ALDH1A2: variants seen among roughly 807,000 people sequenced by gnomAD.
ALDH1A2 encodes the protein aldehyde dehydrogenase 1 family member A2.
In ALDH1A2, 27 loss-of-function variants were observed where a neutral mutation model predicts 60.3. The observed-to-expected ratio is 0.45, with a 90% confidence interval of 0.33 to 0.62. ALDH1A2 has a LOEUF of 0.62. ALDH1A2 is among the 20% of genes least tolerant of loss of function. The probability of loss-of-function intolerance (pLI) is 0.02; values close to 1 mark genes in which losing one functional copy is unlikely to be tolerated. For missense variants in ALDH1A2, 581 were observed against 643.8 expected (o/e 0.90, Z 1.06); for synonymous variants, 289 against 232.4 (o/e 1.24, Z -2.21).
chr15:57,962,950 C>T (rs1012934896), intron 9 of ALDH1A2, among the ~76,000 whole-genome samples: 16 of 152,100 alleles, frequency 1.1e-4, no homozygotes, highest in East Asian at 1.9e-4. Flanking sequence ...AAATATGCCT[C>T]GATGATTACG....
intron 7 of ALDH1A2, among the ~76,000 whole-genome samples, chr15:57,970,154 T>C (rs1317834529): frequency 6.6e-6 from 1 of 152,226 alleles, no homozygotes; most frequent in Non-Finnish European, 1.5e-5. Context: ...CAGAAGTAGC[T>C]TGTTACAAGT....
At chr15:57,992,416 A>G (rs1894926134) in intron 7 of ALDH1A2, among the ~76,000 whole-genome samples, 1 of 152,164 alleles carries the variant, frequency 6.6e-6, no homozygotes, top group Non-Finnish European at 1.5e-5. Flanking sequence ...CCAGCTTCTT[A>G]ACTTGCTTCT....
chr15:58,000,345 C>T (rs1895222178), intron 4 of ALDH1A2, among the ~76,000 whole-genome samples: 3 of 152,038 alleles, frequency 2.0e-5, no homozygotes, highest in South Asian at 4.1e-4. Context: ...GGGCTAACAG[C>T]ACCCCAGAAG....
intron 4 of ALDH1A2, among the ~76,000 whole-genome samples, chr15:57,998,142 A>T (rs1895129803): frequency 6.6e-6 from 1 of 152,088 alleles, no homozygotes; most frequent in Admixed American, 6.6e-5. Context: ...CTAGCACAAG[A>T]CAAGGATGCC....
chr15:58,013,753 A>C, intron 3 of ALDH1A2, 105 bp downstream of exon 3: 1 of 1,459,618 alleles, frequency 6.9e-7, no homozygotes, highest in Non-Finnish European at 9.2e-7. Flanking sequence ...CTCCGTCTCA[A>C]AAAATAAAAT....
chr15:57,971,179 CTG>C (rs1894052737), intron 7 of ALDH1A2, among the ~76,000 whole-genome samples: 1 of 152,224 alleles, frequency 6.6e-6, no homozygotes, highest in South Asian at 2.1e-4. Context: ...TGGAACATGC[CTG>C]TGTGTCTTTG....
At chr15:58,017,520 C>T (rs1895819326) in intron 1 of ALDH1A2, among the ~76,000 whole-genome samples, 1 of 152,104 alleles carries the variant, frequency 6.6e-6, no homozygotes, top group African/African-American at 2.4e-5. Flanking sequence ...CATAGCATTA[C>T]ACTGTGATAA....
intron 4 of ALDH1A2, among the ~76,000 whole-genome samples, chr15:58,000,631 A>T (rs1039320687): frequency 9.9e-5 from 15 of 152,006 alleles, no homozygotes; most frequent in Admixed American, 7.2e-4. Flanking sequence ...AATTAAAATT[A>T]AAAAAGTTTA....
At chr15:58,053,987 A>G (rs1896836982) in intron 1 of ALDH1A2, among the ~76,000 whole-genome samples, 1 of 152,168 alleles carries the variant, frequency 6.6e-6, no homozygotes, top group Non-Finnish European at 1.5e-5. Context: ...TCGCCAATTC[A>G]ATCCATTAAG....
intron 7 of ALDH1A2, among the ~76,000 whole-genome samples, chr15:57,971,719 C>G (rs968068613): frequency 1.3e-5 from 2 of 152,062 alleles, no homozygotes; most frequent in Admixed American, 6.5e-5. Context: ...CACCAGGGCC[C>G]AGACAAACTT....
intron 7 of ALDH1A2, among the ~76,000 whole-genome samples, chr15:57,981,567 G>C (rs1419797223): frequency 2.0e-5 from 3 of 152,094 alleles, no homozygotes; most frequent in African/African-American, 7.2e-5. Flanking sequence ...GAGCCTGTAA[G>C]GAGTGATTCA....
intron 4 of ALDH1A2, among the ~76,000 whole-genome samples, chr15:58,004,963 A>G (rs1353843078): frequency 6.6e-6 from 1 of 151,690 alleles, no homozygotes; most frequent in African/African-American, 2.4e-5. Flanking sequence ...TTCCAAAGCA[A>G]TATACAGATT....
At chr15:58,016,601 T>C (rs1014994640) in intron 1 of ALDH1A2, among the ~76,000 whole-genome samples, 1 of 152,226 alleles carries the variant, frequency 6.6e-6, no homozygotes, top group African/African-American at 2.4e-5. Flanking sequence ...CTATTGATCA[T>C]TTTATAAATC....
In ALDH1A2 at chr15:57,992,999, C is replaced by T. The variant is rs1182863642; in HGVS notation, c.630G>A (p.Lys210=). The change falls in exon 6 of 13, where the codon AAG becomes AAA. Residue 210 remains lysine, a synonymous_variant. Coordinates refer to ENST00000249750, the MANE Select transcript of ALDH1A2 (RefSeq NM_003888.4). Reference sequence around the variant, plus strand: ...CACTGAGTGGTGTTTGCTCTGCTGGCTTAATAACTACTGTATTGCCACAGC... The same window carrying T: ...CACTGAGTGGTGTTTGCTCTGCTGGTTTAATAACTACTGTATTGCCACAGC... ...ALCCGNTVVI[K]PAEQTPLSAL... The T allele has an allele frequency of 1.9e-6, 3 of 1,613,926 alleles. No homozygotes were observed. Among genetic ancestry groups the T allele is most frequent in the East Asian group, 4.5e-5 (2 of 44,874 alleles).
intron 7 of ALDH1A2, among the ~76,000 whole-genome samples, chr15:57,976,374 C>T (rs1256880545): frequency 6.6e-6 from 1 of 152,054 alleles, no homozygotes; most frequent in African/African-American, 2.4e-5. Context: ...TTTGCTGCAC[C>T]CATCAACCCA....
At position 58,008,776 on chromosome 15, in the gene ALDH1A2, A is replaced by G. The variant is rs551892953; in HGVS notation, c.493+1873T>C. On this transcript the variant is annotated intron_variant, in intron 4 of 12. Coordinates refer to ENST00000249750, the MANE Select transcript of ALDH1A2 (RefSeq NM_003888.4). ...ATTTACCTTTCTGTACTGATACAGG[A>G]CAGGCCCACCTAAAAAGACTGACAT... Among the ~76,000 whole-genome samples the G allele has an allele frequency of 5.8e-4, 89 of 152,234 alleles. 1 individual carries two copies. Among genetic ancestry groups the G allele is most frequent in the African/African-American group, 2.1e-3 (86 of 41,562 alleles).
chr15:58,058,933 C>A (rs1483173879), intron 1 of ALDH1A2, among the ~76,000 whole-genome samples: 1 of 152,114 alleles, frequency 6.6e-6, no homozygotes, highest in African/African-American at 2.4e-5. Flanking sequence ...TTGTTTAGAG[C>A]CCAGCAGAAG....
intron 1 of ALDH1A2, among the ~76,000 whole-genome samples, chr15:58,022,469 C>A (rs1895955202): frequency 6.6e-6 from 1 of 152,154 alleles, no homozygotes; most frequent in Admixed American, 6.5e-5. Context: ...CCATGCCATA[C>A]AAGCTGCCTA....
At chr15:57,962,390 G>C (rs772415740) in intron 9 of ALDH1A2, among the ~76,000 whole-genome samples, 1 of 152,072 alleles carries the variant, frequency 6.6e-6, no homozygotes, top group African/African-American at 2.4e-5. Flanking sequence ...TCCAATAAAT[G>C]TACTGCTCTG....
Sources: gnomAD v4.1 joint callset for allele counts (sites outside exome capture counted in the v4.1 genomes callset) on GRCh38, gnomAD v4.1.1 for gene constraint, MANE v1.5 for transcripts, NCBI Gene and HGNC (gene_info 2026-07-23, HGNC 2026-07-21) for gene names.